The following USP6NL variants were observed in gnomAD, a reference collection of about 807,000 sequenced individuals.
The protein encoded by USP6NL is USP6 N-terminal like.
USP6NL carries 26 observed loss-of-function variants against 61.9 expected under a neutral mutation model. The observed-to-expected ratio is 0.42, with a 90% confidence interval of 0.31 to 0.58. The LOEUF (loss-of-function observed/expected upper bound fraction) is 0.58, where lower values mean the gene tolerates loss of function less well. Among genes scored for constraint, USP6NL ranks in the 20% least tolerant of loss-of-function variants. USP6NL has a pLI of 0.16. For synonymous variants in USP6NL, 432 were observed against 390.1 expected (o/e 1.11, Z -1.27); for missense variants, 1,114 against 1,034.3 (o/e 1.08, Z -1.06).
At chr10:11,486,996 G>T (rs1001486545) in intron 10 of USP6NL, among the ~76,000 whole-genome samples, 1 of 151,042 alleles carries the variant, frequency 6.6e-6, no homozygotes, top group Non-Finnish European at 1.5e-5. Flanking sequence ...AATTTCCAGA[G>T]ACAGAAATTC....
chr10:11,531,519 T>C (rs1835656990), intron 2 of USP6NL, among the ~76,000 whole-genome samples: 1 of 152,062 alleles, frequency 6.6e-6, no homozygotes, highest in African/African-American at 2.4e-5. Flanking sequence ...GGTTTCACCA[T>C]GTTGGCCAGG....
At chr10:11,527,298 T>G (rs1387820374) in intron 3 of USP6NL, among the ~76,000 whole-genome samples, 1 of 152,164 alleles carries the variant, frequency 6.6e-6, no homozygotes, top group Admixed American at 6.5e-5. Context: ...GCAAGTCTGG[T>G]GTGCTGGAGG....
chr10:11,607,913 G>T (rs1331804577), intron 1 of USP6NL, among the ~76,000 whole-genome samples: 2 of 152,124 alleles, frequency 1.3e-5, no homozygotes, highest in Non-Finnish European at 2.9e-5. Flanking sequence ...CAAGACACAG[G>T]TGCAATGTGT....
At chr10:11,534,186 T>C (rs1280607688) in intron 2 of USP6NL, among the ~76,000 whole-genome samples, 1 of 152,222 alleles carries the variant, frequency 6.6e-6, no homozygotes, top group African/African-American at 2.4e-5. Context: ...TCTCTCCTCT[T>C]AGTGATTTTC....
intron 2 of USP6NL, among the ~76,000 whole-genome samples, chr10:11,529,457 A>C (rs1032971100): frequency 2.6e-5 from 4 of 152,398 alleles, no homozygotes; most frequent in Middle Eastern, 6.8e-3. Flanking sequence ...AACAAGCGCA[A>C]GGTTGTTTAT....
At chr10:11,583,605 G>T (rs1054546093) in intron 2 of USP6NL, among the ~76,000 whole-genome samples, 1 of 152,158 alleles carries the variant, frequency 6.6e-6, no homozygotes, top group Non-Finnish European at 1.5e-5. Context: ...AAGAGATTTA[G>T]TCATAATAAG....
chr10:11,498,531 G>A (rs552648012), intron 7 of USP6NL, among the ~76,000 whole-genome samples: 19 of 152,156 alleles, frequency 1.2e-4, no homozygotes, highest in African/African-American at 1.7e-4. Context: ...TTCCTCATGT[G>A]TAAGATAAAT....
At chr10:11,464,314 G>T (rs775378722) in intron 14 of USP6NL, among the ~76,000 whole-genome samples, 1 of 152,192 alleles carries the variant, frequency 6.6e-6, no homozygotes, top group Non-Finnish European at 1.5e-5. Context: ...CCGGGATTTC[G>T]ATTGTGGTAC....
At chr10:11,544,791 T>C (rs1174860591) in intron 2 of USP6NL, among the ~76,000 whole-genome samples, 3 of 152,122 alleles carry the variant, frequency 2.0e-5, no homozygotes, top group Admixed American at 1.3e-4. Context: ...GCCTGGCCAG[T>C]AATCTAAATT....
Position 11,463,821 on chromosome 10 carries a change from G to T in USP6NL, c.1107C>A (p.Pro369=). 1 of 1,469,486 alleles carries T rather than the reference G, an allele frequency of 6.8e-7. No homozygotes were observed. Among genetic ancestry groups the T allele is most frequent in the Non-Finnish European group, 9.0e-7 (1 of 1,110,252 alleles). The allele number at this position is 1,469,486 out of a possible 1,614,324, so 91.0% of individuals were successfully genotyped here. A position where few individuals can be genotyped will look rare whatever the true frequency, so the allele number is the denominator to read the frequency against. Residue 369 remains proline (P), a synonymous_variant, in exon 15 of 15, where the codon CCC becomes CCA. Transcript: ENST00000609104. The surrounding 1 kb of genome is among the most constrained non-coding windows in gnomAD (Gnocchi z 6.3). ...PGKEDEYPKK[P]LGQLPPELQS... ...GAAGTTCAGGTGGAAGCTGCCCCAA[G>T]GGCTTCTTTGGATATTCATCCTCTT...
At chr10:11,484,223 T>C (rs1336513812) in intron 13 of USP6NL, among the ~76,000 whole-genome samples, 1 of 152,194 alleles carries the variant, frequency 6.6e-6, no homozygotes, top group East Asian at 1.9e-4. Context: ...TGATTTTCTT[T>C]TCTGCATAGC....
chr10:11,573,502 T>C (rs1837434007), intron 2 of USP6NL: 1 of 396,494 alleles, frequency 2.5e-6, no homozygotes, highest in Non-Finnish European at 4.5e-6. Context: ...TGCAAAAGCA[T>C]ACACGGAAAC....
Position 11,562,556 on chromosome 10 carries a change from G to A in USP6NL, c.5-34989C>T, listed in dbSNP as rs567119070. On this transcript the variant is annotated intron_variant, in intron 2 of 14. Coordinates refer to ENST00000609104, the MANE Select transcript of USP6NL (RefSeq NM_014688.5). This position sits in a 1 kb window ranked among gnomAD's most constrained non-coding sequence, Gnocchi z 4.8. ...GGCCACTGTGACTACTCTGAGTCTA[G>A]CTAGCCTGGACTGTTTCAGCCACTC... 1.7e-4 allele frequency: 167 copies of A among 985,392 alleles called. No homozygotes were observed. The African/African-American group carries it at 2.8e-3, about 17-fold the overall frequency. 61.0% of individuals were successfully genotyped at this position (985,392 alleles called of 1,614,324 possible).
intron 14 of USP6NL, among the ~76,000 whole-genome samples, chr10:11,479,607 A>G (rs1833113280): frequency 7.4e-6 from 1 of 134,888 alleles, no homozygotes; most frequent in Non-Finnish European, 1.5e-5. Flanking sequence ...TCGGAGTCTC[A>G]CTTTGTCGCC....
intron 5 of USP6NL, among the ~76,000 whole-genome samples, chr10:11,512,464 C>T (rs1158018265): frequency 6.6e-6 from 1 of 152,176 alleles, no homozygotes; most frequent in Admixed American, 6.5e-5. Flanking sequence ...ACTCCAGCCT[C>T]CACACTGCTA....
Position 11,489,236 on chromosome 10 carries a change from G to A in USP6NL, c.544-14C>T, listed in dbSNP as rs762354731. 2 of 1,613,270 alleles carry A rather than the reference G, an allele frequency of 1.2e-6. No homozygotes were observed. Among genetic ancestry groups the A allele is most frequent in the Non-Finnish European group, 1.7e-6 (2 of 1,179,470 alleles). On this transcript the variant is annotated splice_polypyrimidine_tract_variant and intron_variant, in intron 9 of 14. Coordinates refer to ENST00000609104, the MANE Select transcript of USP6NL (RefSeq NM_014688.5). This position sits in a 1 kb window ranked among gnomAD's most constrained non-coding sequence, Gnocchi z 5.7. ...ATACCCGACTTCCTGGGGAGCAAAG[G>A]GGAACACAGAAGCTGGGGAGTTCAG...
At chr10:11,563,848 G>A (rs2133543493) in intron 2 of USP6NL, 1 of 152,298 alleles carries the variant, frequency 6.6e-6, no homozygotes, top group Admixed American at 6.5e-5. Context: ...CCCAGCCCCT[G>A]AGCATGCAGC....
intron 2 of USP6NL, among the ~76,000 whole-genome samples, chr10:11,539,307 C>G (rs1835958044): frequency 6.6e-6 from 1 of 152,204 alleles, no homozygotes; most frequent in Non-Finnish European, 1.5e-5. Context: ...GCCCTTTTCA[C>G]TCCAGATCTG....
intron 1 of USP6NL, among the ~76,000 whole-genome samples, chr10:11,603,252 G>A (rs1311734909): frequency 6.6e-6 from 1 of 152,156 alleles, no homozygotes; most frequent in East Asian, 1.9e-4. Context: ...TATCAAATCC[G>A]AGTAGGTTTA....
Sources: allele counts gnomAD v4.1 joint callset (sites outside exome capture counted in the v4.1 genomes callset), GRCh38; gene constraint gnomAD v4.1.1; non-coding constraint Gnocchi (gnomAD v3.1); transcripts MANE v1.5; gene names NCBI Gene and HGNC (gene_info 2026-07-23, HGNC 2026-07-21).